The following FMNL2 variants were observed in gnomAD, a reference collection of about 807,000 sequenced individuals.
FMNL2 encodes the protein formin like 2, also known as formin-like protein 2.
In FMNL2, 51 loss-of-function variants were observed where a neutral mutation model predicts 130.2. The observed-to-expected ratio is 0.39, with a 90% CI of 0.31 to 0.49. FMNL2 has a LOEUF of 0.49. FMNL2 is among the 20% of genes least tolerant of loss of function. FMNL2 has a pLI of 0.85. For synonymous variants in FMNL2, 465 were observed against 467.1 expected, an observed-to-expected ratio of 1.00 and a Z score of 0.06; for missense variants, 977 against 1,316.2, an observed-to-expected ratio of 0.74 and a Z score of 3.99.
At chr2:152,637,470 G>T in intron 22 of FMNL2, 103 bp from the exon 23 acceptor site, 1 of 857,218 alleles carries the variant, frequency 1.2e-6, no homozygotes. Context: ...AAGGCCATGG[G>T]AGCCTCTGTC....
chr2:152,367,214 T>G (rs1327929395), intron 1 of FMNL2, among the ~76,000 whole-genome samples: 1 of 152,006 alleles, frequency 6.6e-6, no homozygotes, highest in Non-Finnish European at 1.5e-5. Flanking sequence ...TAGCTGGGAT[T>G]ACAGGTGCCT....
At chr2:152,380,296 T>C (rs1319644807) in intron 1 of FMNL2, among the ~76,000 whole-genome samples, 1 of 152,244 alleles carries the variant, frequency 6.6e-6, no homozygotes, top group Non-Finnish European at 1.5e-5. Flanking sequence ...ATTGTTAACC[T>C]TGGTGAGCCT....
intron 1 of FMNL2, among the ~76,000 whole-genome samples, chr2:152,375,003 T>C (rs116458090): frequency 1.5e-4 from 23 of 152,348 alleles, no homozygotes; most frequent in African/African-American, 5.5e-4. Flanking sequence ...CTGGTGCTAT[T>C]GAACTGGAAC....
At chr2:152,622,783 A>G (rs1356070956) in intron 15 of FMNL2, among the ~76,000 whole-genome samples, 1 of 146,564 alleles carries the variant, frequency 6.8e-6, no homozygotes, top group Non-Finnish European at 1.5e-5. Context: ...CTGGATTCAT[A>G]TGCCCTCTTC....
At chr2:152,536,203 A>T (rs1463654844) in intron 2 of FMNL2, among the ~76,000 whole-genome samples, 2 of 152,220 alleles carry the variant, frequency 1.3e-5, no homozygotes, top group East Asian at 3.9e-4. Flanking sequence ...CGTGTTGGAT[A>T]AATCATTTCT....
At chr2:152,631,195 G>A (rs1682134866) in intron 20 of FMNL2, among the ~76,000 whole-genome samples, 1 of 151,910 alleles carries the variant, frequency 6.6e-6, no homozygotes, top group African/African-American at 2.4e-5. Context: ...AGAGCAGCCT[G>A]GCCAACATGG....
intron 1 of FMNL2, among the ~76,000 whole-genome samples, chr2:152,507,570 G>A (rs1339171962): frequency 1.3e-5 from 2 of 152,304 alleles, no homozygotes; most frequent in South Asian, 4.1e-4. Context: ...CAGATGAGGA[G>A]ACTAAAGTTC....
At chr2:152,447,591 T>C (rs1310616280) in intron 1 of FMNL2, among the ~76,000 whole-genome samples, 1 of 152,216 alleles carries the variant, frequency 6.6e-6, no homozygotes, top group Non-Finnish European at 1.5e-5. Context: ...TGTAGTCAAT[T>C]TGTTACCATC....
intron 1 of FMNL2, among the ~76,000 whole-genome samples, chr2:152,520,456 A>G (rs1270675999): frequency 1.3e-5 from 2 of 152,044 alleles, no homozygotes. Flanking sequence ...TTAGCCAGAC[A>G]TGGTGGCAAG....
intron 3 of FMNL2, among the ~76,000 whole-genome samples, 172 bp from the exon 4 acceptor site, chr2:152,548,849 G>T (rs548308322): frequency 6.6e-6 from 1 of 152,238 alleles, no homozygotes; most frequent in Non-Finnish European, 1.5e-5. Context: ...TCCTTTCTCA[G>T]TAGTTAATTT....
At chr2:152,556,673 T>G (rs1313115532) in intron 4 of FMNL2, among the ~76,000 whole-genome samples, 1 of 152,206 alleles carries the variant, frequency 6.6e-6, no homozygotes, top group South Asian at 2.1e-4. Context: ...GTGGCTGAAC[T>G]TTCCAAGTGA....
chr2:152,554,398 C>A (rs1438081763), intron 4 of FMNL2, among the ~76,000 whole-genome samples: 2 of 152,140 alleles, frequency 1.3e-5, no homozygotes, highest in Admixed American at 6.6e-5. Flanking sequence ...CAAAGTAAGA[C>A]CCTGTCTCAA....
At chr2:152,453,648 A>G (rs193038749) in intron 1 of FMNL2, among the ~76,000 whole-genome samples, 1 of 152,278 alleles carries the variant, frequency 6.6e-6, no homozygotes, top group Admixed American at 6.5e-5. Flanking sequence ...AGTTTAGCTG[A>G]ATGAGAGAGG....
At chr2:152,591,917 C>T (rs1299587476) in intron 9 of FMNL2, among the ~76,000 whole-genome samples, 5 of 152,122 alleles carry the variant, frequency 3.3e-5, no homozygotes, top group South Asian at 2.1e-4. Context: ...TCTTGGCCAA[C>T]GTGGTGAAAC....
chr2:152,631,834 A>G (rs1033324597), intron 20 of FMNL2, among the ~76,000 whole-genome samples, 174 bp from the exon 21 acceptor site: 12 of 152,154 alleles, frequency 7.9e-5, no homozygotes, highest in Non-Finnish European at 1.5e-4. Context: ...TTAAGCATCA[A>G]TGGACTGGTT....
At chr2:152,390,013 A>G (rs1685013846) in intron 1 of FMNL2, 1 of 1,580,592 alleles carries the variant, frequency 6.3e-7, no homozygotes, top group South Asian at 1.1e-5. Flanking sequence ...ATTGACCAGA[A>G]AAAGGATGCA....
chr2:152,565,023 G>C (rs1222355735), intron 6 of FMNL2, among the ~76,000 whole-genome samples: 1 of 152,112 alleles, frequency 6.6e-6, no homozygotes, highest in Non-Finnish European at 1.5e-5. Context: ...TTAGAATGTG[G>C]TGTGCCTTCG....
chr2:152,468,095 T>A (rs1364203501), intron 1 of FMNL2, among the ~76,000 whole-genome samples: 7 of 152,248 alleles, frequency 4.6e-5, no homozygotes, highest in Admixed American at 1.3e-4. Flanking sequence ...GTTTAGCCCC[T>A]GAATGACAAA....
chr2:152,577,719 G>T (rs1160311670), intron 7 of FMNL2, among the ~76,000 whole-genome samples: 1 of 152,148 alleles, frequency 6.6e-6, no homozygotes, highest in Non-Finnish European at 1.5e-5. Context: ...TGTGGAGTGA[G>T]GATTGGCCAT....
Sources: gnomAD v4.1 joint callset for allele counts (sites outside exome capture counted in the v4.1 genomes callset) on GRCh38, gnomAD v4.1.1 for gene constraint, MANE v1.5 for transcripts, NCBI Gene and HGNC (gene_info 2026-07-23, HGNC 2026-07-21) for gene names.